Variants in LPP observed in about 807,000 individuals in gnomAD.
The protein encoded by LPP is lipoma-preferred partner.
A neutral mutation model predicts 60.4 loss-of-function variants in LPP; 38 were observed. The observed-to-expected ratio is 0.63, with a 90% CI of 0.49 to 0.83. The LOEUF (loss-of-function observed/expected upper bound fraction) is 0.83, where lower values mean the gene tolerates loss of function less well. Among genes scored for constraint, LPP ranks in the 40% least tolerant of loss-of-function variants. The probability of loss-of-function intolerance (pLI) is 0.00; values close to 1 mark genes in which losing one functional copy is unlikely to be tolerated. For missense variants in LPP, 902 were observed against 783.6 expected (o/e 1.15, Z -1.80); for synonymous variants, 328 against 290.8 (o/e 1.13, Z -1.30).
intron 2 of LPP, among the ~76,000 whole-genome samples, chr3:188,286,903 AT>A (rs938344099): frequency 1.8e-4 from 27 of 152,084 alleles, no homozygotes; most frequent in Non-Finnish European, 3.5e-4. Flanking sequence ...TTACCTGTTT[AT>A]TTTTTATATT....
chr3:188,163,648 T>A (rs909594377), intron 1 of LPP, among the ~76,000 whole-genome samples: 1 of 151,974 alleles, frequency 6.6e-6, no homozygotes, highest in Non-Finnish European at 1.5e-5. Context: ...GCTCAAGAAA[T>A]GTCTGCTGAG....
chr3:188,299,498 T>A (rs1749029039), intron 2 of LPP, among the ~76,000 whole-genome samples: 2 of 152,214 alleles, frequency 1.3e-5, no homozygotes, highest in South Asian at 4.1e-4. Flanking sequence ...TGTCTTTTTT[T>A]AAAATTGTGC....
intron 6 of LPP, among the ~76,000 whole-genome samples, chr3:188,602,697 AT>A (rs1238965805): frequency 1.4e-5 from 2 of 145,464 alleles, no homozygotes. Context: ...ATATAGAAAT[AT>A]TTTTTTATTT....
intron 1 of LPP, among the ~76,000 whole-genome samples, 131 bp downstream of exon 1, chr3:188,154,383 C>T (rs1476245869): frequency 6.6e-6 from 1 of 152,070 alleles, no homozygotes; most frequent in Non-Finnish European, 1.5e-5. Context: ...TGGCCTGGCC[C>T]GCTGTGCGGA....
At chr3:188,509,623 C>T (rs1428091216) in intron 5 of LPP, among the ~76,000 whole-genome samples, 1 of 128,570 alleles carries the variant, frequency 7.8e-6, no homozygotes, top group Non-Finnish European at 1.6e-5. Flanking sequence ...TTTTTTTTGT[C>T]CCCTTCCTTC....
chr3:188,380,019 T>C (rs925911420), intron 3 of LPP, among the ~76,000 whole-genome samples: 2 of 152,146 alleles, frequency 1.3e-5, no homozygotes, highest in Admixed American at 1.3e-4. Flanking sequence ...GAGAGGGGAA[T>C]GATATGACTA....
intron 1 of LPP, among the ~76,000 whole-genome samples, chr3:188,205,598 G>A (rs1052478853): frequency 1.6e-4 from 25 of 152,170 alleles, no homozygotes; most frequent in East Asian, 1.2e-3. Context: ...AGAGTATAAT[G>A]TAAGTTTTCT....
At chr3:188,283,365 A>T (rs150782729) in intron 2 of LPP, among the ~76,000 whole-genome samples, 73 of 152,354 alleles carry the variant, frequency 4.8e-4, no homozygotes, top group African/African-American at 1.7e-3. Context: ...CAGACATGCC[A>T]AGTTGCTGCA....
At chr3:188,710,002 A>G (rs551154315) in intron 8 of LPP, 30 of 152,172 alleles carry the variant, frequency 2.0e-4, no homozygotes, top group Non-Finnish European at 3.5e-4. Flanking sequence ...ACACCCATCC[A>G]TGGACCACTT....
At chr3:188,307,689 G>T (rs2150218094) in intron 2 of LPP, among the ~76,000 whole-genome samples, 1 of 152,278 alleles carries the variant, frequency 6.6e-6, no homozygotes, top group South Asian at 2.1e-4. Context: ...GTATTTACTT[G>T]AATGAATAAC....
chr3:188,554,507 G>A (rs768617393), intron 6 of LPP, among the ~76,000 whole-genome samples: 2 of 152,276 alleles, frequency 1.3e-5, no homozygotes, highest in Non-Finnish European at 2.9e-5. Flanking sequence ...CCATAGAGTT[G>A]AAGCTGTTTG....
At chr3:188,667,306 A>G (rs1855995516) in intron 7 of LPP, among the ~76,000 whole-genome samples, 2 of 151,922 alleles carry the variant, frequency 1.3e-5, no homozygotes, top group Non-Finnish European at 2.9e-5. Flanking sequence ...GTGAAACCTC[A>G]TCTCCACTAA....
chr3:188,398,088 C>T (rs1423363072), intron 3 of LPP, among the ~76,000 whole-genome samples: 2 of 152,142 alleles, frequency 1.3e-5, no homozygotes, highest in African/African-American at 2.4e-5. Context: ...TTCTGGTACT[C>T]TGTGCAAGGC....
chr3:188,393,293 C>T (rs978615387), intron 3 of LPP, among the ~76,000 whole-genome samples: 7 of 151,828 alleles, frequency 4.6e-5, no homozygotes, highest in South Asian at 2.1e-4. Flanking sequence ...GCTTTTCTCC[C>T]GAAGATTCAT....
chr3:188,886,814 A>G lies in LPP; in HGVS notation c.*12335A>G, dbSNP rs1040072285. On this transcript the variant is annotated 3_prime_UTR_variant, in exon 12 of 12. Transcript: ENST00000617246. The stretch of plus-strand genomic sequence containing the variant: ...CAGAAAATAAATCTTATTTTTAAGC[A>G]CTTGGGTTTTCAGGCCAGAAAATTA... The G allele has an allele frequency of 1.3e-5, 3 of 228,366 alleles. No homozygotes were observed. Among genetic ancestry groups the G allele is most frequent in the African/African-American group, 6.7e-5 (3 of 44,728 alleles). The allele number at this position is 228,366 out of a possible 1,614,324, so 14.1% of individuals were successfully genotyped here. A position where few individuals can be genotyped will look rare whatever the true frequency, so the allele number is the denominator to read the frequency against.
intron 2 of LPP, among the ~76,000 whole-genome samples, chr3:188,340,582 A>G (rs1024752173): frequency 6.6e-6 from 1 of 152,230 alleles, no homozygotes; most frequent in Non-Finnish European, 1.5e-5. Flanking sequence ...CTTTGTTCTT[A>G]GAGTCTGGTG....
intron 3 of LPP, among the ~76,000 whole-genome samples, chr3:188,361,547 C>A (rs1015706182): frequency 4.0e-5 from 5 of 124,060 alleles, no homozygotes; most frequent in African/African-American, 1.5e-4. Context: ...CTCTCCTCCC[C>A]TCTCCTCTCC....
chr3:188,515,769 G>T lies in LPP; in HGVS notation c.307-8896G>T, dbSNP rs571714981. On this transcript the variant is annotated intron_variant, in intron 5 of 11. Transcript: ENST00000617246. ...CCTGGTTTTGCATATTAGAAAAGTTGAATTGTATTTCTGTTGGCCATTAGA... is the reference window on the plus strand; with the variant it reads ...CCTGGTTTTGCATATTAGAAAAGTTTAATTGTATTTCTGTTGGCCATTAGA... Among the ~76,000 whole-genome samples, 29 of 152,270 alleles carry T rather than the reference G, an allele frequency of 1.9e-4. No individual in the cohort carries two copies. In the South Asian group the frequency reaches 6.0e-3, roughly 32 times the overall value.
chr3:188,623,825 G>A (rs754239369), intron 7 of LPP, among the ~76,000 whole-genome samples: 14 of 152,202 alleles, frequency 9.2e-5, no homozygotes, highest in Non-Finnish European at 2.1e-4. Context: ...CTTAACATGA[G>A]GCCATTGGGC....
Sources: gnomAD v4.1 joint callset for allele counts (sites outside exome capture counted in the v4.1 genomes callset) on GRCh38, gnomAD v4.1.1 for gene constraint, MANE v1.5 for transcripts, NCBI Gene and HGNC (gene_info 2026-07-23, HGNC 2026-07-21) for gene names.